Variants in MDGA2 observed in about 807,000 individuals in gnomAD.
MDGA2 encodes the protein MAM domain containing glycosylphosphatidylinositol anchor 2.
In MDGA2, 40 loss-of-function variants were observed where a neutral mutation model predicts 117.8. The observed-to-expected ratio is 0.34, with a 90% confidence interval of 0.26 to 0.44. The LOEUF (loss-of-function observed/expected upper bound fraction) is 0.44. Ranked by LOEUF, MDGA2 falls within the 20% of genes least tolerant of loss-of-function variation. MDGA2 has a pLI of 1.00. For synonymous variants in MDGA2, 452 were observed against 439.0 expected (o/e 1.03, Z -0.37); for missense variants, 1,123 against 1,250.6 (o/e 0.90, Z 1.54).
intron 1 of MDGA2, among the ~76,000 whole-genome samples, chr14:47,469,795 C>CCA (rs1893683469): frequency 6.6e-6 from 1 of 152,094 alleles, no homozygotes; most frequent in Admixed American, 6.6e-5. Context: ...TCCTATTTCT[C>CCA]CACATCCTCT....
chr14:46,883,172 T>A (rs994797929), intron 10 of MDGA2, among the ~76,000 whole-genome samples: 1 of 152,114 alleles, frequency 6.6e-6, no homozygotes, highest in Non-Finnish European at 1.5e-5. Flanking sequence ...AACTTATGTA[T>A]ACAAACCGAA....
At chr14:47,286,132 A>G (rs1161080728) in intron 2 of MDGA2, among the ~76,000 whole-genome samples, 2 of 152,090 alleles carry the variant, frequency 1.3e-5, no homozygotes, top group Non-Finnish European at 2.9e-5. Flanking sequence ...TTTGTGGAGT[A>G]CATGTGATGT....
intron 8 of MDGA2, among the ~76,000 whole-genome samples, chr14:47,006,150 T>C (rs1350062756): frequency 6.6e-6 from 1 of 151,386 alleles, no homozygotes; most frequent in East Asian, 1.9e-4. Flanking sequence ...TCAAAAAAAT[T>C]TTGTTAATAA....
At position 47,674,487 on chromosome 14, in the gene MDGA2, A is replaced by G. The variant is rs370290231; in HGVS notation, c.280+30T>C. The G allele has an allele frequency of 4.0e-4, 618 of 1,530,864 alleles. 5 individuals are homozygous for G. In the Middle Eastern group the frequency reaches 0.015, roughly 37 times the overall value. The allele number at this position is 1,530,864 out of a possible 1,614,324, so 94.8% of individuals were successfully genotyped here. A position where few individuals can be genotyped will look rare whatever the true frequency, so the allele number is the denominator to read the frequency against. On this transcript the variant is annotated intron_variant, in intron 1 of 16. Transcript: ENST00000399232. ...CAGCCTATCTTGCCTAAGAATCACAAGGTCACGATAGCGTCGCGATTCCAC... is the reference window on the plus strand; with the variant it reads ...CAGCCTATCTTGCCTAAGAATCACAGGGTCACGATAGCGTCGCGATTCCAC...
chr14:47,508,501 C>A (rs1158681068), intron 1 of MDGA2, among the ~76,000 whole-genome samples: 1 of 151,988 alleles, frequency 6.6e-6, no homozygotes, highest in East Asian at 1.9e-4. Context: ...AAAGTCTCCA[C>A]GTATAAGTAA....
rs141740092 is a variant in MDGA2, at chr14:47,509,518, G to A, written c.280+164999C>T. Among the ~76,000 whole-genome samples the A allele has an allele frequency of 3.7e-3, 569 of 152,214 alleles. 6 individuals are homozygous for A. Among genetic ancestry groups the A allele is most frequent in the Middle Eastern group, 0.017 (5 of 294 alleles). ...CCACCTACCTTTCAAAGGATATGAC[G>A]ACCTGGCACAGCCACAGGTGTGGGA... On this transcript the variant is annotated intron_variant, in intron 1 of 16. Transcript: ENST00000399232.
intron 8 of MDGA2, among the ~76,000 whole-genome samples, chr14:46,966,370 A>G (rs1886031181): frequency 6.6e-6 from 1 of 152,156 alleles, no homozygotes; most frequent in African/African-American, 2.4e-5. Context: ...TCTCTCCCTA[A>G]AAGAGGACTT....
At chr14:47,247,851 G>A (rs560145353) in intron 2 of MDGA2, among the ~76,000 whole-genome samples, 15 of 151,178 alleles carry the variant, frequency 9.9e-5, no homozygotes, top group African/African-American at 2.9e-4. Context: ...GTGTCTATGT[G>A]TTCTCATTGT....
chr14:46,913,666 G>A (rs1199176631), intron 10 of MDGA2, among the ~76,000 whole-genome samples: 4 of 152,020 alleles, frequency 2.6e-5, no homozygotes, highest in African/African-American at 9.7e-5. Flanking sequence ...CGTGGTCACC[G>A]TTTAAGAAAG....
At chr14:47,324,055 C>T (rs2139886561) in intron 1 of MDGA2, among the ~76,000 whole-genome samples, 1 of 151,708 alleles carries the variant, frequency 6.6e-6, no homozygotes, top group Non-Finnish European at 1.5e-5. Context: ...ACCATCCTGG[C>T]TAACACAGTG....
chr14:47,246,007 ATG>A (rs1332650561), intron 2 of MDGA2, among the ~76,000 whole-genome samples: 1 of 151,820 alleles, frequency 6.6e-6, no homozygotes, highest in Non-Finnish European at 1.5e-5. Context: ...CATAGAGCTA[ATG>A]ATTAGTGGAG....
At chr14:47,197,210 C>T (rs1885318941) in intron 3 of MDGA2, among the ~76,000 whole-genome samples, 1 of 151,908 alleles carries the variant, frequency 6.6e-6, no homozygotes, top group South Asian at 2.1e-4. Context: ...GTTTATGTTC[C>T]CTCAAAATTT....
At chr14:47,665,661 G>A (rs1046264804) in intron 1 of MDGA2, among the ~76,000 whole-genome samples, 1 of 152,194 alleles carries the variant, frequency 6.6e-6, no homozygotes, top group African/African-American at 2.4e-5. Flanking sequence ...GCAATGGGGG[G>A]CTTAGCACCT....
chr14:47,329,406 C>T (rs1890233179), intron 1 of MDGA2, among the ~76,000 whole-genome samples: 1 of 151,962 alleles, frequency 6.6e-6, no homozygotes, highest in Admixed American at 6.6e-5. Context: ...GAGAGGGTAT[C>T]ACTCTAATAG....
chr14:47,303,801 T>C (rs1407369134), intron 1 of MDGA2, among the ~76,000 whole-genome samples: 2 of 152,150 alleles, frequency 1.3e-5, no homozygotes, highest in Admixed American at 1.3e-4. Context: ...CATGACATCC[T>C]TTCCAGACTA....
chr14:47,037,164 C>T (rs747699311), intron 7 of MDGA2, among the ~76,000 whole-genome samples: 5 of 152,184 alleles, frequency 3.3e-5, no homozygotes, highest in Non-Finnish European at 7.3e-5. Flanking sequence ...GGAACTGTGA[C>T]ACTTATTCAC....
intron 1 of MDGA2, among the ~76,000 whole-genome samples, chr14:47,350,969 T>C (rs1368843091): frequency 6.6e-6 from 1 of 152,142 alleles, no homozygotes; most frequent in African/African-American, 2.4e-5. Context: ...TGGAACGCAA[T>C]GGCACAATCT....
At chr14:47,524,854 T>C (rs1341032657) in intron 1 of MDGA2, among the ~76,000 whole-genome samples, 1 of 152,192 alleles carries the variant, frequency 6.6e-6, no homozygotes, top group East Asian at 1.9e-4. Flanking sequence ...ACTAAATGAA[T>C]GATTTCTTAA....
At chr14:46,898,151 T>G (rs1352338486) in intron 10 of MDGA2, among the ~76,000 whole-genome samples, 1 of 152,002 alleles carries the variant, frequency 6.6e-6, no homozygotes, top group Non-Finnish European at 1.5e-5. Flanking sequence ...CTTCTTAATA[T>G]ATAAAGGGTC....
Sources: allele counts gnomAD v4.1 joint callset (sites outside exome capture counted in the v4.1 genomes callset), GRCh38; gene constraint gnomAD v4.1.1; transcripts MANE v1.5; gene names NCBI Gene and HGNC (gene_info 2026-07-23, HGNC 2026-07-21).